The following CNTN5 variants were observed in gnomAD, a reference collection of about 807,000 sequenced individuals.
The protein encoded by CNTN5 is contactin-5.
Under a neutral mutation model 129.1 loss-of-function variants are expected in CNTN5, and 77 were observed. The ratio of observed to expected loss-of-function variants is 0.60; its 90% CI spans 0.50 to 0.72. The LOEUF is 0.72. Ranked by LOEUF, CNTN5 falls within the 30% of genes least tolerant of loss-of-function variation. The pLI is 0.00. For synonymous variants in CNTN5, 509 were observed against 465.6 expected, an observed-to-expected ratio of 1.09 and a Z score of -1.20; for missense variants, 1,478 against 1,328.8, an observed-to-expected ratio of 1.11 and a Z score of -1.75.
intron 1 of CNTN5, among the ~76,000 whole-genome samples, chr11:99,066,204 T>C (rs541319614): frequency 2.0e-5 from 3 of 152,154 alleles, no homozygotes. Flanking sequence ...CCTGGGTTCA[T>C]GCGATTCTCC....
chr11:99,337,378 T>C (rs11219455), intron 2 of CNTN5, among the ~76,000 whole-genome samples: 38,609 of 152,022 alleles, frequency 0.25, 5,431 homozygotes, highest in South Asian at 0.33. Flanking sequence ...AACAGACATT[T>C]ACCCACGTAT....
At chr11:99,771,628 G>T (rs1314228940) in intron 3 of CNTN5, among the ~76,000 whole-genome samples, 1 of 151,928 alleles carries the variant, frequency 6.6e-6, no homozygotes, top group Non-Finnish European at 1.5e-5. Flanking sequence ...TAGAATGGTG[G>T]TTACCATTAG....
chr11:99,611,282 T>C (rs1210694880), intron 3 of CNTN5, among the ~76,000 whole-genome samples: 2 of 152,174 alleles, frequency 1.3e-5, no homozygotes, highest in African/African-American at 4.8e-5. Context: ...TGCATTTCAA[T>C]AGTGTAGTCA....
At chr11:100,284,858 G>A (rs1008969544) in intron 18 of CNTN5, among the ~76,000 whole-genome samples, 2 of 152,130 alleles carry the variant, frequency 1.3e-5, no homozygotes, top group African/African-American at 4.8e-5. Flanking sequence ...ATGCTTATGT[G>A]TGTATGTATC....
rs181873207 is a variant in CNTN5 at position 99,683,026 on chromosome 11, C to G, written c.55+126757C>G. On this transcript the variant is annotated intron_variant, in intron 3 of 24. Transcript: ENST00000524871. Reference sequence around the variant, plus strand: ...TATTCTGTTGAATTGTCTTATTGATCTGGAAGTATTTGTTATTTATTAACA... The same window carrying G: ...TATTCTGTTGAATTGTCTTATTGATGTGGAAGTATTTGTTATTTATTAACA... Among the ~76,000 whole-genome samples, 396 of 151,950 alleles carry G rather than the reference C, an allele frequency of 2.6e-3. 2 individuals carry two copies. The highest frequency in any genetic ancestry group is 8.0e-3 in the African/African-American group (330 of 41,478).
At chr11:100,145,154 T>C (rs1445409272) in intron 13 of CNTN5, among the ~76,000 whole-genome samples, 3 of 152,168 alleles carry the variant, frequency 2.0e-5, no homozygotes, top group South Asian at 2.1e-4. Flanking sequence ...AAACTCAGGA[T>C]AATCATACCT....
intron 7 of CNTN5, 56 bp from the exon 8 acceptor site, chr11:99,956,750 T>C (rs1463378900): frequency 2.3e-6 from 3 of 1,307,714 alleles, no homozygotes; most frequent in African/African-American, 1.5e-5. Context: ...GTTTGAGCTT[T>C]GTCTGTTAAT....
chr11:99,619,054 T>C (rs1315689516), intron 3 of CNTN5, among the ~76,000 whole-genome samples: 3 of 152,154 alleles, frequency 2.0e-5, no homozygotes, highest in African/African-American at 7.2e-5. Context: ...TATAAAATCA[T>C]TTAATGTCAC....
At chr11:99,784,898 C>G (rs1280229917) in intron 3 of CNTN5, among the ~76,000 whole-genome samples, 1 of 143,908 alleles carries the variant, frequency 6.9e-6, no homozygotes, top group African/African-American at 2.6e-5. Context: ...CTCCCAGGTT[C>G]ACGCCATTCT....
chr11:99,202,829 T>G (rs1859277798), intron 1 of CNTN5, among the ~76,000 whole-genome samples: 1 of 151,654 alleles, frequency 6.6e-6, no homozygotes, highest in Non-Finnish European at 1.5e-5. Context: ...CATTGAATAC[T>G]TCTAGGTATT....
intron 18 of CNTN5, among the ~76,000 whole-genome samples, chr11:100,289,477 T>A (rs562540393): frequency 6.6e-6 from 1 of 151,722 alleles, no homozygotes; most frequent in South Asian, 2.1e-4. Flanking sequence ...ATAAATGTAA[T>A]CCAGCATATA....
chr11:99,586,900 T>C (rs2726352), intron 3 of CNTN5, among the ~76,000 whole-genome samples: 148,105 of 152,324 alleles, frequency 0.97, 72,142 homozygotes, highest in East Asian at 1. Context: ...AAGTGCTAGA[T>C]ATGTAAGCTT....
intron 3 of CNTN5, among the ~76,000 whole-genome samples, chr11:99,591,070 G>T (rs937351857): frequency 6.6e-6 from 1 of 152,118 alleles, no homozygotes; most frequent in African/African-American, 2.4e-5. Context: ...TCACTGAGCT[G>T]CTGCTGCCTT....
intron 1 of CNTN5, among the ~76,000 whole-genome samples, chr11:99,227,987 T>C (rs1023934250): frequency 1.3e-5 from 2 of 152,166 alleles, no homozygotes; most frequent in African/African-American, 4.8e-5. Flanking sequence ...TTTGGTAATG[T>C]AACATTAATT....
At chr11:99,778,353 A>C (rs1945197826) in intron 3 of CNTN5, among the ~76,000 whole-genome samples, 1 of 151,836 alleles carries the variant, frequency 6.6e-6, no homozygotes, top group South Asian at 2.1e-4. Context: ...CCTTACTCTA[A>C]AACCACAGTT....
At chr11:99,434,393 GT>G (rs1170674934) in intron 2 of CNTN5, among the ~76,000 whole-genome samples, 1 of 152,086 alleles carries the variant, frequency 6.6e-6, no homozygotes, top group Non-Finnish European at 1.5e-5. Flanking sequence ...AGATTCGGAG[GT>G]TTTTGTTTTA....
Position 99,681,132 on chromosome 11 carries a change from G to A in CNTN5, c.55+124863G>A, listed in dbSNP as rs1448963250. The stretch of plus-strand genomic sequence containing the variant: ...GGATGAAGAGTTGCTTATTATTGGT[G>A]AGAAAGAATGCAGTTCCTTGAAATG... On this transcript the variant is annotated intron_variant, in intron 3 of 24. Coordinates refer to ENST00000524871, the MANE Select transcript of CNTN5 (RefSeq NM_014361.4). Among the ~76,000 whole-genome samples the A allele has an allele frequency of 4.6e-5, 7 of 152,046 alleles. 1 individual carries two copies. The highest frequency in any genetic ancestry group is 3.9e-4 in the Admixed American group (6 of 15,258).
At chr11:100,238,280 C>T (rs1949661434) in intron 16 of CNTN5, among the ~76,000 whole-genome samples, 1 of 151,902 alleles carries the variant, frequency 6.6e-6, no homozygotes, top group Non-Finnish European at 1.5e-5. Context: ...GCCTGATAAT[C>T]TGTTTACCCA....
At chr11:99,611,564 G>C (rs969844321) in intron 3 of CNTN5, among the ~76,000 whole-genome samples, 1 of 152,104 alleles carries the variant, frequency 6.6e-6, no homozygotes, top group Non-Finnish European at 1.5e-5. Context: ...GAGGAAAATG[G>C]ATTTGTGTTC....
Sources: gnomAD v4.1 joint callset for allele counts (sites outside exome capture counted in the v4.1 genomes callset) on GRCh38, gnomAD v4.1.1 for gene constraint, MANE v1.5 for transcripts, NCBI Gene and HGNC (gene_info 2026-07-23, HGNC 2026-07-21) for gene names.